The following ACTR3C variants were observed in gnomAD, a reference collection of about 807,000 sequenced individuals.
The protein encoded by ACTR3C is actin related protein 3C, also known as actin-related protein 3C.
A neutral mutation model predicts 26.3 loss-of-function variants in ACTR3C; 18 were observed. The observed-to-expected ratio is 0.68, with a 90% CI of 0.47 to 1.01. ACTR3C has a LOEUF of 1.01. Ranked by LOEUF, ACTR3C falls within the 50% of genes least tolerant of loss-of-function variation. The probability of loss-of-function intolerance (pLI) is 0.00; values close to 1 mark genes in which losing one functional copy is unlikely to be tolerated. For synonymous variants in ACTR3C, 55 were observed against 94.5 expected (o/e 0.58, Z 2.42); for missense variants, 184 against 250.7 (o/e 0.73, Z 1.80).
At chr7:150,038,507 C>T in the ACTR3C span, among the ~76,000 whole-genome samples, 2 of 143,790 alleles carry the variant, frequency 1.4e-5, 1 homozygote, top group South Asian at 4.3e-4. Flanking sequence ...TTGGCTAATA[C>T]TGCAGTTTGG....
the ACTR3C span, among the ~76,000 whole-genome samples, chr7:150,113,450 G>C: frequency 8.9e-6 from 1 of 112,938 alleles, no homozygotes; most frequent in Non-Finnish European, 1.8e-5. Context: ...TTCTAAGCCT[G>C]TTAGTTCACA....
At chr7:150,276,361 C>A (rs1391890672) in intron 6 of ACTR3C, among the ~76,000 whole-genome samples, 3 of 152,140 alleles carry the variant, frequency 2.0e-5, no homozygotes, top group African/African-American at 7.2e-5. Flanking sequence ...CCTCTCCCTG[C>A]TATTTACATG....
chr7:150,115,788 G>C, the ACTR3C span, among the ~76,000 whole-genome samples: 3 of 152,324 alleles, frequency 2.0e-5, no homozygotes, highest in East Asian at 5.8e-4. Context: ...ACAGTGAATG[G>C]CAGGACCTGT....
the ACTR3C span, among the ~76,000 whole-genome samples, chr7:150,151,997 G>C: frequency 3.6e-5 from 5 of 138,990 alleles, 1 homozygote; most frequent in Admixed American, 1.5e-4. Context: ...TTTGTATCCT[G>C]AGACTTTGCT....
chr7:150,253,066 A>C (rs1326389032), intron 6 of ACTR3C, among the ~76,000 whole-genome samples: 1 of 152,070 alleles, frequency 6.6e-6, no homozygotes, highest in South Asian at 2.1e-4. Flanking sequence ...TGCTTACAGG[A>C]TATCACGCTG....
At chr7:150,161,779 C>T in the ACTR3C span, among the ~76,000 whole-genome samples, 6 of 152,074 alleles carry the variant, frequency 3.9e-5, no homozygotes, top group Admixed American at 2.0e-4. Context: ...TTTAAACAAA[C>T]GTTGCCACTC....
intron 2 of ACTR3C, among the ~76,000 whole-genome samples, chr7:150,294,111 A>G (rs865976503): frequency 2.6e-5 from 4 of 152,168 alleles, no homozygotes; most frequent in Admixed American, 6.5e-5. Context: ...ACAGATTACT[A>G]GGCCTCACAC....
chr7:150,037,626 C>T, the ACTR3C span, among the ~76,000 whole-genome samples: 24 of 91,146 alleles, frequency 2.6e-4, no homozygotes, highest in East Asian at 1.2e-3. Context: ...TACCTGCCGT[C>T]GGAAGATTTG....
the ACTR3C span, among the ~76,000 whole-genome samples, chr7:150,120,525 A>G: frequency 3.3e-5 from 5 of 152,172 alleles, no homozygotes; most frequent in African/African-American, 1.2e-4. Context: ...CCCTCCCAAG[A>G]CTAAACCACA....
At chr7:150,172,588 T>C in the ACTR3C span, among the ~76,000 whole-genome samples, 1 of 150,056 alleles carries the variant, frequency 6.7e-6, no homozygotes, top group Non-Finnish European at 1.5e-5. Flanking sequence ...TCAAATCTCA[T>C]GTCCTCACAT....
At chr7:150,242,967 G>C (rs1584807937), downstream of ACTR3C, among the ~76,000 whole-genome samples, 1 of 151,952 alleles carries the variant, frequency 6.6e-6, no homozygotes, top group African/African-American at 2.4e-5. Context: ...CCTCTTTCTG[G>C]GTCCTGTGCA....
chr7:150,148,866 T>C, the ACTR3C span, among the ~76,000 whole-genome samples: 4 of 151,888 alleles, frequency 2.6e-5, no homozygotes, highest in African/African-American at 9.7e-5. Context: ...CTTTTATATA[T>C]GTTTTAATAT....
chr7:149,910,939 C>A, the ACTR3C span, among the ~76,000 whole-genome samples: 1 of 151,840 alleles, frequency 6.6e-6, no homozygotes, highest in Non-Finnish European at 1.5e-5. Context: ...CAGGGCAATG[C>A]CAAGTCCTGA....
At chr7:149,976,186 C>T in the ACTR3C span, among the ~76,000 whole-genome samples, 17 of 152,080 alleles carry the variant, frequency 1.1e-4, no homozygotes, top group Non-Finnish European at 2.1e-4. Context: ...TCTTATAAAT[C>T]ATGAAACTTG....
At chr7:150,305,692 G>A (rs1377798757) in intron 1 of ACTR3C, among the ~76,000 whole-genome samples, 1 of 152,180 alleles carries the variant, frequency 6.6e-6, no homozygotes, top group South Asian at 2.1e-4. Context: ...TGTGTTCTGA[G>A]CTCTGGGTAA....
chr7:150,091,849 G>A, the ACTR3C span, among the ~76,000 whole-genome samples: 713 of 150,908 alleles, frequency 4.7e-3, 2 homozygotes, highest in Non-Finnish European at 7.8e-3. Flanking sequence ...TTAGCCGGGC[G>A]TGGTGGCGGG....
the ACTR3C span, among the ~76,000 whole-genome samples, chr7:150,104,484 G>A: frequency 1.3e-5 from 2 of 151,410 alleles, no homozygotes; most frequent in Non-Finnish European, 2.9e-5. Context: ...CTTCTCAAAG[G>A]GCATTAGTTT....
Position 150,293,371 on chromosome 7 carries a change from G to A in ACTR3C, c.94C>T (p.Arg32Cys), listed in dbSNP as rs751519228. ...TCAATGACTATCCCCGTTAATGTAC[G>A]TTCACCCACTTGTCGAGATGTCCAA... ...ASWTSRQVGE[R>C]TLTGIVIDSG... The change falls in exon 3 of 8, where the codon CGT (arginine) becomes TGT (cysteine). Residue 32 changes from arginine (R) to cysteine (C), a missense_variant. By Grantham distance (180) the Arg-to-Cys change is radical. Coordinates refer to ENST00000683684, the MANE Select transcript of ACTR3C (RefSeq NM_001164458.2). 63 of 1,608,092 alleles carry A rather than the reference G, an allele frequency of 3.9e-5. No individual in the cohort carries two copies. Among genetic ancestry groups the A allele is most frequent in the African/African-American group, 3.5e-4 (26 of 74,762 alleles).
At chr7:149,952,671 G>A in the ACTR3C span, among the ~76,000 whole-genome samples, 1 of 148,836 alleles carries the variant, frequency 6.7e-6, no homozygotes, top group Non-Finnish European at 1.5e-5. Flanking sequence ...CCAAATACCA[G>A]GGCTAAATGA....
Sources: gnomAD v4.1 joint callset for allele counts (sites outside exome capture counted in the v4.1 genomes callset) on GRCh38, gnomAD v4.1.1 for gene constraint, MANE v1.5 for transcripts, NCBI Gene and HGNC (gene_info 2026-07-23, HGNC 2026-07-21) for gene names.